The following GFRA2 variants were observed in gnomAD, a reference collection of about 807,000 sequenced individuals.
The protein encoded by GFRA2 is GDNF family receptor alpha 2.
In GFRA2, 17 loss-of-function variants were observed where a neutral mutation model predicts 48.3. That is an observed-to-expected ratio of 0.35 (90% CI 0.24 to 0.53). The LOEUF is 0.53. Among genes scored for constraint, GFRA2 ranks in the 20% least tolerant of loss-of-function variants. GFRA2 has a pLI of 0.93. For synonymous variants in GFRA2, 305 were observed against 257.2 expected (o/e 1.19, Z -1.78); for missense variants, 660 against 637.3 (o/e 1.04, Z -0.38).
At chr8:21,761,012 A>G (rs1285734014) in intron 3 of GFRA2, among the ~76,000 whole-genome samples, 3 of 152,290 alleles carry the variant, frequency 2.0e-5, no homozygotes, top group African/African-American at 7.2e-5. Context: ...TGGAAGGAAG[A>G]CAGCAAGGGC....
rs918248256 is a variant in GFRA2, at chr8:21,692,144, G to C, written c.*1134C>G. On this transcript the variant is annotated 3_prime_UTR_variant, in exon 9 of 9. Transcript: ENST00000524240. ...GCCAATGTCCTTTTTCCCCATTATA[G>C]ACAACAGTATTAAAAAAAATAAACT... The C allele has an allele frequency of 2.6e-5, 4 of 152,462 alleles. No individual in the cohort carries two copies. Among genetic ancestry groups the C allele is most frequent in the African/African-American group, 9.7e-5 (4 of 41,408 alleles). The allele number at this position is 152,462 out of a possible 1,614,324, so 9.4% of individuals were successfully genotyped here. A position where few individuals can be genotyped will look rare whatever the true frequency, so the allele number is the denominator to read the frequency against.
chr8:21,753,796 T>C (rs945729091), intron 3 of GFRA2, among the ~76,000 whole-genome samples: 1 of 152,260 alleles, frequency 6.6e-6, no homozygotes, highest in Non-Finnish European at 1.5e-5. Context: ...ATTATATATG[T>C]GATGCATATT....
rs541879711 is a variant in GFRA2, at chr8:21,694,165, C to G, written c.1272+299G>C. On this transcript the variant is annotated intron_variant, in intron 8 of 8. Coordinates refer to ENST00000524240, the MANE Select transcript of GFRA2 (RefSeq NM_001495.5). ...CTTCTGTGCCTCCTAAATATCACAG[C>G]AACAGTGCCGAGCAGGTGGTCGACA... 1.0e-3 allele frequency among the ~76,000 whole-genome samples: 154 copies of G among 149,196 alleles called. No individual in the cohort carries two copies. The Middle Eastern group carries it at 0.014, about 14-fold the overall frequency.
chr8:21,778,041 A>T (rs1806796104), intron 2 of GFRA2, among the ~76,000 whole-genome samples: 1 of 152,204 alleles, frequency 6.6e-6, no homozygotes, highest in African/African-American at 2.4e-5. Context: ...CTGAGAGCTA[A>T]GTCCCAGGAA....
intron 4 of GFRA2, among the ~76,000 whole-genome samples, chr8:21,734,170 T>C (rs923994239): frequency 6.6e-6 from 1 of 152,222 alleles, no homozygotes; most frequent in African/African-American, 2.4e-5. Context: ...GGGCACTCTG[T>C]TGGGCTCCCT....
At chr8:21,699,940 G>A (rs1412148753) in intron 7 of GFRA2, among the ~76,000 whole-genome samples, 1 of 152,228 alleles carries the variant, frequency 6.6e-6, no homozygotes, top group Non-Finnish European at 1.5e-5. Context: ...CCCTGGCCTA[G>A]CAGGGGAGAG....
At chr8:21,733,985 G>T (rs1804327403) in intron 4 of GFRA2, among the ~76,000 whole-genome samples, 1 of 152,216 alleles carries the variant, frequency 6.6e-6, no homozygotes, top group Non-Finnish European at 1.5e-5. Flanking sequence ...GATCCACAGG[G>T]GAGGGAGGGC....
intron 4 of GFRA2, among the ~76,000 whole-genome samples, chr8:21,712,367 C>T (rs1358484986): frequency 1.1e-4 from 16 of 148,758 alleles, no homozygotes; most frequent in African/African-American, 2.2e-4. Context: ...ACATCCCAGA[C>T]GGGGCGGCGG....
intron 4 of GFRA2, among the ~76,000 whole-genome samples, chr8:21,720,270 A>G (rs1462681593): frequency 6.6e-6 from 1 of 152,188 alleles, no homozygotes; most frequent in Non-Finnish European, 1.5e-5. Context: ...GGTGGCTGAG[A>G]GCAAGACTCC....
At chr8:21,724,601 G>C (rs1008857212) in intron 4 of GFRA2, among the ~76,000 whole-genome samples, 1 of 152,182 alleles carries the variant, frequency 6.6e-6, no homozygotes, top group Non-Finnish European at 1.5e-5. Flanking sequence ...GGCAATTCGA[G>C]ACCAGATGGT....
intron 1 of GFRA2, among the ~76,000 whole-genome samples, chr8:21,810,651 G>C (rs1215221798): frequency 6.6e-6 from 1 of 152,200 alleles, no homozygotes; most frequent in Non-Finnish European, 1.5e-5. Context: ...CATGGGAAGG[G>C]GCTGCAGGCA....
chr8:21,730,123 G>A (rs901794966), intron 4 of GFRA2, among the ~76,000 whole-genome samples: 16 of 152,104 alleles, frequency 1.1e-4, no homozygotes, highest in South Asian at 6.2e-4. Context: ...CAGGTCACCC[G>A]GCCAGGCGCG....
rs531102394 is a variant in GFRA2 at position 21,692,294 on chromosome 8, G to C, written c.*984C>G. On this transcript the variant is annotated 3_prime_UTR_variant, in exon 9 of 9. Coordinates refer to ENST00000524240, the MANE Select transcript of GFRA2 (RefSeq NM_001495.5). ...TGGATGTGTATATACATATATGTTA[G>C]GAGAGGAGCCCCGGTATGTACATAC... 6.6e-6 allele frequency: 1 copy of C among 152,390 alleles called. No individual in the cohort carries two copies. The highest frequency in any genetic ancestry group is 1.9e-4 in the East Asian group (1 of 5,160). The allele number at this position is 152,390 out of a possible 1,614,324, so 9.4% of individuals were successfully genotyped here.
At chr8:21,696,447 T>C (rs949556071) in intron 7 of GFRA2, among the ~76,000 whole-genome samples, 1 of 152,204 alleles carries the variant, frequency 6.6e-6, no homozygotes, top group African/African-American at 2.4e-5. Flanking sequence ...AAAATAAGGC[T>C]TGAGAAAACA....
upstream of GFRA2, among the ~76,000 whole-genome samples, chr8:21,792,440 G>A (rs1807589119): frequency 1.3e-5 from 2 of 152,174 alleles, no homozygotes; most frequent in Admixed American, 1.3e-4. Flanking sequence ...CCTGATCCAG[G>A]GCACCCCACA....
At chr8:21,788,085 C>T (rs1287528086) in intron 1 of GFRA2, 35 bp downstream of exon 1, 7 of 1,265,292 alleles carry the variant, frequency 5.5e-6, no homozygotes, top group Non-Finnish European at 7.8e-6. Flanking sequence ...CGGCTTCTCG[C>T]CTCCCCCTCG....
chr8:21,744,652 A>C (rs1328849710), intron 4 of GFRA2, among the ~76,000 whole-genome samples: 2 of 152,080 alleles, frequency 1.3e-5, no homozygotes, highest in African/African-American at 4.8e-5. Flanking sequence ...TGTGTTTTTA[A>C]AATGTAGATC....
At chr8:21,720,278 T>A (rs1476819443) in intron 4 of GFRA2, among the ~76,000 whole-genome samples, 1 of 152,116 alleles carries the variant, frequency 6.6e-6, no homozygotes, top group Non-Finnish European at 1.5e-5. Flanking sequence ...AGAGCAAGAC[T>A]CCAGGCACCA....
At chr8:21,713,909 C>T (rs1378463289) in intron 4 of GFRA2, among the ~76,000 whole-genome samples, 1 of 152,178 alleles carries the variant, frequency 6.6e-6, no homozygotes, top group Non-Finnish European at 1.5e-5. Flanking sequence ...TAAATATCCA[C>T]ACTTTATGGC....
Sources: allele counts gnomAD v4.1 joint callset (sites outside exome capture counted in the v4.1 genomes callset), GRCh38; gene constraint gnomAD v4.1.1; transcripts MANE v1.5; gene names NCBI Gene and HGNC (gene_info 2026-07-23, HGNC 2026-07-21).